The following RBPMS variants were observed in gnomAD, a reference collection of about 807,000 sequenced individuals.
The protein encoded by RBPMS is RNA binding protein, mRNA processing factor, also known as RNA-binding protein with multiple splicing.
Under a neutral mutation model 26.8 loss-of-function variants are expected in RBPMS, and 7 were observed. The observed-to-expected ratio is 0.26, with a 90% CI of 0.15 to 0.49. RBPMS has a LOEUF of 0.49. Ranked by LOEUF, RBPMS falls within the 20% of genes least tolerant of loss-of-function variation. The pLI is 0.98. For synonymous variants in RBPMS, 96 were observed against 93.3 expected, an observed-to-expected ratio of 1.03 and a Z score of -0.17; for missense variants, 186 against 250.0, an observed-to-expected ratio of 0.74 and a Z score of 1.73.
intron 5 of RBPMS, 27 bp downstream of exon 5, chr8:30,504,463 A>G (rs369633054): frequency 2.4e-5 from 38 of 1,608,514 alleles, no homozygotes; most frequent in African/African-American, 2.7e-5. Context: ...TTCATTCAAA[A>G]GTAATAATAA....
At chr8:30,431,830 C>T (rs1811971132) in intron 1 of RBPMS, among the ~76,000 whole-genome samples, 4 of 151,908 alleles carry the variant, frequency 2.6e-5, no homozygotes, top group Non-Finnish European at 5.9e-5. Flanking sequence ...GAGTTTAAAA[C>T]ATTATTTGGG....
At chr8:30,535,282 T>C (rs1296681387) in intron 5 of RBPMS, among the ~76,000 whole-genome samples, 1 of 152,264 alleles carries the variant, frequency 6.6e-6, no homozygotes, top group Non-Finnish European at 1.5e-5. Flanking sequence ...AACTAACTTT[T>C]CTTGAATATG....
chr8:30,439,244 C>T (rs1050586195), intron 1 of RBPMS, among the ~76,000 whole-genome samples: 4 of 152,126 alleles, frequency 2.6e-5, no homozygotes, highest in Non-Finnish European at 5.9e-5. Context: ...GTGTGCTCTC[C>T]GTACATTTCA....
chr8:30,559,010 A>C, intron 7 of RBPMS, 54 bp downstream of exon 7: 1 of 1,455,654 alleles, frequency 6.9e-7, no homozygotes, highest in Non-Finnish European at 9.6e-7. Flanking sequence ...ACATCTGTAC[A>C]TGGTGGGTGC....
chr8:30,462,808 TTGAC>T (rs1816077764), intron 1 of RBPMS, among the ~76,000 whole-genome samples: 1 of 152,116 alleles, frequency 6.6e-6, no homozygotes, highest in South Asian at 2.1e-4. Flanking sequence ...GGGCCAAAAG[TTGAC>T]TGAGATCTAA....
intron 7 of RBPMS, chr8:30,565,959 A>G (rs558705179): frequency 6.6e-6 from 1 of 152,324 alleles, no homozygotes; most frequent in Non-Finnish European, 1.5e-5. Context: ...ATGCGCCCTC[A>G]GCGAAGAGTT....
intron 5 of RBPMS, among the ~76,000 whole-genome samples, chr8:30,529,483 C>T (rs1171625702): frequency 1.3e-5 from 2 of 150,136 alleles, no homozygotes; most frequent in African/African-American, 4.9e-5. Context: ...GCCTGAGCAA[C>T]AAGAGCAAAA....
intron 6 of RBPMS, among the ~76,000 whole-genome samples, chr8:30,550,303 C>A (rs551230680): frequency 6.6e-6 from 1 of 152,190 alleles, no homozygotes; most frequent in Non-Finnish European, 1.5e-5. Flanking sequence ...GCCATTTACA[C>A]GCTGTGCGAC....
At chr8:30,541,772 G>C (rs79282429) in intron 5 of RBPMS, among the ~76,000 whole-genome samples, 1 of 152,318 alleles carries the variant, frequency 6.6e-6, no homozygotes. Context: ...TCAGGGCCTT[G>C]CCTGCTCCTT....
chr8:30,545,192 T>TA, intron 6 of RBPMS: 1 of 1,294,106 alleles, frequency 7.7e-7, no homozygotes, highest in Non-Finnish European at 1.0e-6. Flanking sequence ...AGATACAAGA[T>TA]AGTGTCTAAG....
intron 5 of RBPMS, among the ~76,000 whole-genome samples, chr8:30,524,620 GATGAA>G (rs1243911866): frequency 1.3e-5 from 2 of 152,078 alleles, no homozygotes; most frequent in African/African-American, 4.8e-5. Flanking sequence ...GGCAAGGTGA[GATGAA>G]AAGAAGGGAA....
chr8:30,480,215 C>A, intron 4 of RBPMS, among the ~76,000 whole-genome samples: 1 of 152,230 alleles, frequency 6.6e-6, no homozygotes, highest in South Asian at 2.1e-4. Context: ...TAGGGTGCTT[C>A]CTACAAGGCA....
At chr8:30,479,139 A>G (rs1280316337) in intron 3 of RBPMS, among the ~76,000 whole-genome samples, 176 bp from the exon 4 acceptor site, 1 of 152,118 alleles carries the variant, frequency 6.6e-6, no homozygotes, top group African/African-American at 2.4e-5. Context: ...TTTGATTCAT[A>G]TTAGAAATTT....
chr8:30,417,913 C>T (rs1024398242), intron 1 of RBPMS, among the ~76,000 whole-genome samples: 3 of 152,062 alleles, frequency 2.0e-5, no homozygotes, highest in African/African-American at 7.2e-5. Context: ...TTTATTTTGC[C>T]TATGTGTTCT....
chr8:30,391,519 G>A (rs1807790740), intron 1 of RBPMS, among the ~76,000 whole-genome samples: 1 of 152,236 alleles, frequency 6.6e-6, no homozygotes, highest in South Asian at 2.1e-4. Flanking sequence ...TGGTGCAGAA[G>A]TGGCTGCATA....
intron 5 of RBPMS, among the ~76,000 whole-genome samples, chr8:30,522,056 T>G (rs541549702): frequency 2.0e-5 from 3 of 152,274 alleles, no homozygotes; most frequent in Admixed American, 1.3e-4. Context: ...TTTTAAGTGT[T>G]CTTATCAGAA....
At chr8:30,533,554 G>C (rs187625976) in intron 5 of RBPMS, among the ~76,000 whole-genome samples, 18 of 152,290 alleles carry the variant, frequency 1.2e-4, no homozygotes, top group Admixed American at 3.9e-4. Context: ...GTAATTGGCA[G>C]TAAAAGACTT....
intron 1 of RBPMS, among the ~76,000 whole-genome samples, chr8:30,440,904 C>T (rs1812994595): frequency 6.6e-6 from 1 of 151,944 alleles, no homozygotes; most frequent in African/African-American, 2.4e-5. Context: ...AGGGATCCTC[C>T]TGCTTCAGCC....
intron 2 of RBPMS, among the ~76,000 whole-genome samples, chr8:30,477,535 T>C (rs574295751): frequency 6.6e-6 from 1 of 152,174 alleles, no homozygotes; most frequent in East Asian, 1.9e-4. Flanking sequence ...TTTTCTACCA[T>C]TGTGTAATTT....
Sources: gnomAD v4.1 joint callset for allele counts (sites outside exome capture counted in the v4.1 genomes callset) on GRCh38, gnomAD v4.1.1 for gene constraint, MANE v1.5 for transcripts, NCBI Gene and HGNC (gene_info 2026-07-23, HGNC 2026-07-21) for gene names.